Variants in MINPP1 observed in about 807,000 individuals in gnomAD.
MINPP1 encodes the protein multiple inositol-polyphosphate phosphatase 1.
Under a neutral mutation model 46.1 loss-of-function variants are expected in MINPP1, and 28 were observed. The observed-to-expected ratio is 0.61, with a 90% CI of 0.45 to 0.83. The LOEUF (loss-of-function observed/expected upper bound fraction) is 0.83. Ranked by LOEUF, MINPP1 falls within the 40% of genes least tolerant of loss-of-function variation. The pLI, the probability that MINPP1 is intolerant of heterozygous loss-of-function variation, is 0.00. For synonymous variants in MINPP1, 268 were observed against 249.1 expected (o/e 1.08, Z -0.72); for missense variants, 603 against 610.0 (o/e 0.99, Z 0.12).
chr10:87,507,118 T>C lies in MINPP1; in HGVS notation c.638-1218T>C, dbSNP rs547950648. Among the ~76,000 whole-genome samples, 104 of 152,320 alleles carry C rather than the reference T, an allele frequency of 6.8e-4. 1 individual carries two copies. Among genetic ancestry groups the C allele is most frequent in the Admixed American group, 1.1e-3 (17 of 15,298 alleles). On this transcript the variant is annotated intron_variant, in intron 1 of 4. Transcript: ENST00000371996. The stretch of plus-strand genomic sequence containing the variant: ...AGTACAGAGCCAGGGATGAAAATAC[T>C]ACAGTTCAGAATAAGCCCACTCCTG...
chr10:87,504,979 G>GCGCTGCTCTCGT lies in MINPP1; in HGVS notation c.69_80dup (p.Leu24_Leu27dup). The GCGCTGCTCTCGT allele has an allele frequency of 1.2e-6, 2 of 1,612,294 alleles. No individual in the cohort carries two copies. The highest frequency in any genetic ancestry group is 8.5e-7 in the Non-Finnish European group (1 of 1,179,676). On this transcript the variant is annotated inframe_insertion, in exon 1 of 5. Coordinates refer to ENST00000371996, the MANE Select transcript of MINPP1 (RefSeq NM_004897.5). ...AGCGCCTGCCGCGGCCCTGGCTGCGGCGCTGCTCTCGTCGCTTGCGCGCTG... is the reference window on the plus strand; with the variant it reads ...AGCGCCTGCCGCGGCCCTGGCTGCGGCGCTGCTCTCGTCGCTGCTCTCGTCGCTTGCGCGCTG...
intron 4 of MINPP1, among the ~76,000 whole-genome samples, chr10:87,532,152 T>C (rs976609925): frequency 6.6e-6 from 1 of 152,244 alleles, no homozygotes; most frequent in Non-Finnish European, 1.5e-5. Context: ...AACAAGAGCT[T>C]TGTGAGACTT....
At chr10:87,510,652 T>C (rs1330178262) in intron 2 of MINPP1, among the ~76,000 whole-genome samples, 1 of 152,180 alleles carries the variant, frequency 6.6e-6, no homozygotes, top group Non-Finnish European at 1.5e-5. Flanking sequence ...CCCAGCACTT[T>C]GGGAGGCCAA....
chr10:87,533,739 T>C (rs1201779926), intron 4 of MINPP1, among the ~76,000 whole-genome samples: 2 of 152,196 alleles, frequency 1.3e-5, no homozygotes, highest in Non-Finnish European at 2.9e-5. Context: ...TTTCAAATCA[T>C]TGATATTTTC....
chr10:87,515,149 G>A (rs1327829111), intron 3 of MINPP1, among the ~76,000 whole-genome samples: 2 of 151,888 alleles, frequency 1.3e-5, no homozygotes, highest in Admixed American at 6.5e-5. Context: ...CACTTTGGGC[G>A]GCCAAGGCGG....
intron 4 of MINPP1, among the ~76,000 whole-genome samples, chr10:87,544,231 C>G (rs1329482177): frequency 1.3e-5 from 2 of 152,116 alleles, no homozygotes; most frequent in Admixed American, 1.3e-4. Flanking sequence ...AACATGTTTA[C>G]CAGTTTAGTA....
In MINPP1 at chr10:87,552,085, T is replaced by C. The variant is rs200581162; in HGVS notation, c.1071T>C (p.Ser357=). The part of the protein sequence containing the change: ...LDKAVEQKQR[S]QPISSPVILQ... ...TTCTCTTAATTTCTATTTGAAGGTC[T>C]CAGCCAATTTCTTCTCCAGTCATCC... Residue 357 remains serine, a synonymous_variant, in exon 5 of 5, where the codon TCT becomes TCC. Coordinates refer to ENST00000371996, the MANE Select transcript of MINPP1 (RefSeq NM_004897.5). The C allele has an allele frequency of 3.0e-4, 484 of 1,611,128 alleles. No homozygotes were observed. Among genetic ancestry groups the C allele is most frequent in the Non-Finnish European group, 1.2e-5 (14 of 1,178,354 alleles).
At chr10:87,530,995 T>G (rs1368369240) in intron 4 of MINPP1, among the ~76,000 whole-genome samples, 1 of 152,170 alleles carries the variant, frequency 6.6e-6, no homozygotes, top group African/African-American at 2.4e-5. Flanking sequence ...CATGGGACCC[T>G]CCGAGCCAGG....
Position 87,552,608 on chromosome 10 carries a change from A to G in MINPP1, c.*130A>G, listed in dbSNP as rs980001486. The G allele has an allele frequency of 2.0e-5, 19 of 951,130 alleles. No homozygotes were observed. Among genetic ancestry groups the G allele is most frequent in the South Asian group, 3.1e-5 (2 of 64,578 alleles). 58.9% of individuals were successfully genotyped at this position (951,130 alleles called of 1,614,324 possible). On this transcript the variant is annotated 3_prime_UTR_variant, in exon 5 of 5. Transcript: ENST00000371996. ...AGTATTTCTGTCTTTTCACAGAAAAACATTGGGTTTCTCTCTGGGTTTGGA... is the reference window on the plus strand; with the variant it reads ...AGTATTTCTGTCTTTTCACAGAAAAGCATTGGGTTTCTCTCTGGGTTTGGA...
chr10:87,537,550 T>TGTGTG (rs1347225757), intron 4 of MINPP1, among the ~76,000 whole-genome samples: 1 of 149,526 alleles, frequency 6.7e-6, no homozygotes, highest in African/African-American at 2.5e-5. Context: ...TGTGTGTGTG[T>TGTGTG]TGTCTAGGTA....
chr10:87,543,776 A>G (rs1851850292), intron 4 of MINPP1, among the ~76,000 whole-genome samples: 1 of 152,260 alleles, frequency 6.6e-6, no homozygotes, highest in Non-Finnish European at 1.5e-5. Flanking sequence ...CTCTTAAACA[A>G]CCAGATTTCA....
chr10:87,530,870 G>A (rs183997944), intron 4 of MINPP1, among the ~76,000 whole-genome samples: 3 of 152,102 alleles, frequency 2.0e-5, no homozygotes, highest in Non-Finnish European at 4.4e-5. Context: ...GCTTCCTGGC[G>A]GCTTTGTTTA....
At chr10:87,520,225 T>C (rs769989762) in intron 3 of MINPP1, among the ~76,000 whole-genome samples, 2 of 152,176 alleles carry the variant, frequency 1.3e-5, no homozygotes, top group African/African-American at 2.4e-5. Flanking sequence ...AGTATGTGTA[T>C]ACCATAGTTT....
intron 2 of MINPP1, chr10:87,509,723 A>G (rs1304604926): frequency 2.8e-6 from 1 of 362,810 alleles, no homozygotes. Context: ...AGATTTTAAA[A>G]CTTTTAAGAG....
At position 87,508,327 on chromosome 10, in the gene MINPP1, C is replaced by T. The variant is rs1355313368; in HGVS notation, c.638-9C>T. The T allele has an allele frequency of 1.2e-6, 2 of 1,611,648 alleles. No individual in the cohort carries two copies. Among genetic ancestry groups the T allele is most frequent in the Non-Finnish European group, 1.7e-6 (2 of 1,178,842 alleles). Reference sequence around the variant, plus strand: ...TTTACAAATACATATAAATTTTTTTCTCTTTCAGATATGGAGTTTGGACCT... The same window carrying T: ...TTTACAAATACATATAAATTTTTTTTTCTTTCAGATATGGAGTTTGGACCT... On this transcript the variant is annotated splice_polypyrimidine_tract_variant and intron_variant, in intron 1 of 4. Transcript: ENST00000371996.
intron 4 of MINPP1, chr10:87,546,794 G>A (rs538463635): frequency 2.0e-5 from 3 of 152,324 alleles, no homozygotes; most frequent in East Asian, 3.9e-4. Flanking sequence ...GTTGGGCATG[G>A]TGGTGCACTC....
At chr10:87,529,097 G>GT (rs1164872417) in intron 4 of MINPP1, among the ~76,000 whole-genome samples, 3 of 152,100 alleles carry the variant, frequency 2.0e-5, no homozygotes, top group African/African-American at 7.2e-5. Flanking sequence ...TTGAGCCTAT[G>GT]TGTGTCTCTG....
In MINPP1 at chr10:87,513,249, CTTTTTTAAAAAAA is replaced by C. The variant is rs1851361917; in HGVS notation, c.933+35_933+47del. ...AAGTATTATTTTTGCAGTTTCTTTG[CTTTTTTAAAAAAA>C]TTTTTTTTGGCTTGCTTGTTTGCAT... On this transcript the variant is annotated intron_variant, in intron 3 of 4. Coordinates refer to ENST00000371996, the MANE Select transcript of MINPP1 (RefSeq NM_004897.5). 1.9e-6 allele frequency: 3 copies of C among 1,583,476 alleles called. No individual in the cohort carries two copies. In the African/African-American group the frequency reaches 4.1e-5, roughly 21 times the overall value.
At chr10:87,511,246 T>G (rs1168267852) in intron 2 of MINPP1, among the ~76,000 whole-genome samples, 2 of 152,204 alleles carry the variant, frequency 1.3e-5, no homozygotes, top group Non-Finnish European at 2.9e-5. Context: ...ATATTTTAAT[T>G]TCTTGCTTAT....
Sources: allele counts gnomAD v4.1 joint callset (sites outside exome capture counted in the v4.1 genomes callset), GRCh38; gene constraint gnomAD v4.1.1; transcripts MANE v1.5; gene names NCBI Gene and HGNC (gene_info 2026-07-23, HGNC 2026-07-21).